PCCA: variants seen among roughly 807,000 people sequenced by gnomAD.
The protein encoded by PCCA is propionyl-CoA carboxylase subunit alpha, also known as propionyl-CoA carboxylase alpha chain, mitochondrial.
PCCA carries 74 observed loss-of-function variants against 101.3 expected under a neutral mutation model. The observed-to-expected ratio is 0.73, with a 90% CI of 0.61 to 0.89. The LOEUF (loss-of-function observed/expected upper bound fraction) is 0.89. Among genes scored for constraint, PCCA ranks in the 40% least tolerant of loss-of-function variants. PCCA has a pLI of 0.00. For missense variants in PCCA, 891 were observed against 907.0 expected (o/e 0.98, Z 0.23); for synonymous variants, 294 against 313.6 (o/e 0.94, Z 0.66).
At chr13:100,136,454 G>A (rs1211344340) in intron 4 of PCCA, among the ~76,000 whole-genome samples, 1 of 152,078 alleles carries the variant, frequency 6.6e-6, no homozygotes, top group African/African-American at 2.4e-5. Context: ...CCAAAGTGCT[G>A]GGATTACAGG....
chr13:100,521,821 T>G (rs181550277), intron 22 of PCCA, among the ~76,000 whole-genome samples: 14 of 152,350 alleles, frequency 9.2e-5, no homozygotes, highest in Non-Finnish European at 1.5e-4. Context: ...ACACCAGGGC[T>G]GATATTGATC....
intron 1 of PCCA, among the ~76,000 whole-genome samples, chr13:100,089,752 C>G (rs934981996): frequency 6.6e-6 from 1 of 152,166 alleles, no homozygotes; most frequent in African/African-American, 2.4e-5. Context: ...CATTTGAAAG[C>G]CTGTTTTAAT....
rs141286340 is a variant in PCCA at position 100,530,134 on chromosome 13, G to A, written c.2155G>A (p.Gly719Arg). 1.2e-6 allele frequency: 2 copies of A among 1,614,076 alleles called. No individual in the cohort carries two copies. Among genetic ancestry groups the A allele is most frequent in the Non-Finnish European group, 1.7e-6 (2 of 1,179,932 alleles). Residue 719 changes from glycine to arginine, a missense_variant, in exon 24 of 24, where the codon GGA becomes AGA. Coordinates refer to ENST00000376285, the MANE Select transcript of PCCA (RefSeq NM_000282.4). Reference sequence around the variant, plus strand: ...GCACTGTCAAGCTGGAGACACAGTTGGAGAAGGGGATCTGCTCGTGGAGCT... The same window carrying A: ...GCACTGTCAAGCTGGAGACACAGTTAGAGAAGGGGATCTGCTCGTGGAGCT... ...SVHCQAGDTV[G>R]EGDLLVELE
intron 16 of PCCA, among the ~76,000 whole-genome samples, chr13:100,321,224 A>C (rs2068001258): frequency 6.6e-6 from 1 of 151,926 alleles, no homozygotes; most frequent in African/African-American, 2.4e-5. Flanking sequence ...TTTCAAAAGC[A>C]CTCTAGTTTG....
intron 21 of PCCA, among the ~76,000 whole-genome samples, chr13:100,455,206 T>C (rs893007456): frequency 7.9e-5 from 12 of 151,958 alleles, no homozygotes; most frequent in African/African-American, 2.7e-4. Flanking sequence ...TGACCAGAAT[T>C]GTAAGTGGTG....
chr13:100,282,307 G>A (rs1324307881), intron 12 of PCCA, among the ~76,000 whole-genome samples: 6 of 152,368 alleles, frequency 3.9e-5, no homozygotes, highest in South Asian at 2.1e-4. Flanking sequence ...GCCCTCGCTC[G>A]CTCTCGGCGC....
At chr13:100,188,949 A>G (rs1468630141) in intron 6 of PCCA, among the ~76,000 whole-genome samples, 1 of 151,350 alleles carries the variant, frequency 6.6e-6, no homozygotes, top group Non-Finnish European at 1.5e-5. Flanking sequence ...CAGTTTTGTT[A>G]TATAGGTATA....
chr13:100,311,940 A>G (rs1025095322), intron 16 of PCCA, among the ~76,000 whole-genome samples: 1 of 152,202 alleles, frequency 6.6e-6, no homozygotes, highest in Non-Finnish European at 1.5e-5. Context: ...ATACTTCTCC[A>G]GAGAATTTAC....
chr13:100,525,210 C>T (rs1470328134), intron 22 of PCCA, among the ~76,000 whole-genome samples: 2 of 152,158 alleles, frequency 1.3e-5, no homozygotes, highest in African/African-American at 4.8e-5. Flanking sequence ...AGTGGGGACA[C>T]GCCTTCTTTA....
At chr13:100,324,662 A>C (rs977678772) in intron 16 of PCCA, among the ~76,000 whole-genome samples, 2 of 152,246 alleles carry the variant, frequency 1.3e-5, no homozygotes, top group Admixed American at 1.3e-4. Flanking sequence ...GTACACAAAC[A>C]GTAAAGACGC....
At chr13:100,260,080 A>C (rs1259857947) in intron 9 of PCCA, among the ~76,000 whole-genome samples, 2 of 152,184 alleles carry the variant, frequency 1.3e-5, no homozygotes, top group African/African-American at 4.8e-5. Flanking sequence ...GGCAAACTGT[A>C]AAGTGCTATA....
chr13:100,449,366 T>A, intron 21 of PCCA, 61 bp downstream of exon 21: 1 of 997,288 alleles, frequency 1.0e-6, no homozygotes, highest in Non-Finnish European at 1.5e-6. Flanking sequence ...CAACTAGTTG[T>A]AGCTCATGTG....
chr13:100,335,411 GA>G (rs2070291860), intron 17 of PCCA, among the ~76,000 whole-genome samples: 1 of 152,150 alleles, frequency 6.6e-6, no homozygotes, highest in South Asian at 2.1e-4. Flanking sequence ...AGTAACCTAA[GA>G]AAGTTGAATC....
rs1349085351 is a variant in PCCA, at chr13:100,254,576, A to C, written c.638-3019A>C. The stretch of plus-strand genomic sequence containing the variant: ...TTATCTTAATTAGAGTGGCAGGGAC[A>C]CAAGAAAGTAGGGATGAGGGACTGA... On this transcript the variant is annotated intron_variant, in intron 8 of 23. Transcript: ENST00000376285. Among the ~76,000 whole-genome samples, 4 of 152,152 alleles carry C rather than the reference A, an allele frequency of 2.6e-5. No individual in the cohort carries two copies. In the East Asian group the frequency reaches 7.7e-4, roughly 29 times the overall value.
chr13:100,166,628 C>A (rs1440608447), intron 6 of PCCA, among the ~76,000 whole-genome samples: 1 of 152,046 alleles, frequency 6.6e-6, no homozygotes, highest in Non-Finnish European at 1.5e-5. Context: ...GCATTCATTT[C>A]TTTTTATTCC....
chr13:100,162,123 C>T (rs552271326), intron 6 of PCCA, among the ~76,000 whole-genome samples: 4 of 149,468 alleles, frequency 2.7e-5, no homozygotes, highest in Admixed American at 1.3e-4. Flanking sequence ...TGTCTGTCTG[C>T]GTGTGCTAGA....
chr13:100,149,904 C>G (rs1196957472), intron 4 of PCCA, among the ~76,000 whole-genome samples: 1 of 152,146 alleles, frequency 6.6e-6, no homozygotes, highest in African/African-American at 2.4e-5. Flanking sequence ...CTTTTTATCA[C>G]TCATATGCAA....
At chr13:100,244,053 T>C (rs1290476856) in intron 8 of PCCA, among the ~76,000 whole-genome samples, 3 of 152,212 alleles carry the variant, frequency 2.0e-5, no homozygotes, top group African/African-American at 7.2e-5. Flanking sequence ...AAGAAACCTT[T>C]GCAAAAACAT....
intron 22 of PCCA, chr13:100,527,275 C>G (rs1441516302): frequency 2.1e-6 from 1 of 473,178 alleles, no homozygotes; most frequent in Non-Finnish European, 4.4e-6. Flanking sequence ...AGCAGTGACT[C>G]CCCTTCCCTC....
Sources: allele counts gnomAD v4.1 joint callset (sites outside exome capture counted in the v4.1 genomes callset), GRCh38; gene constraint gnomAD v4.1.1; transcripts MANE v1.5; gene names NCBI Gene and HGNC (gene_info 2026-07-23, HGNC 2026-07-21).